The following ZBTB20 variants were observed in gnomAD, a reference collection of about 807,000 sequenced individuals.
ZBTB20 encodes the protein zinc finger and BTB domain-containing protein 20.
In ZBTB20, 9 loss-of-function variants were observed where a neutral mutation model predicts 56.9. The observed-to-expected ratio is 0.16, with a 90% CI of 0.10 to 0.28. The LOEUF (loss-of-function observed/expected upper bound fraction) is 0.28. ZBTB20 is among the 10% of genes least tolerant of loss of function. ZBTB20 has a pLI of 1.00. For missense variants in ZBTB20, 655 were observed against 1,003.0 expected, an observed-to-expected ratio of 0.65 and a Z score of 4.69; for synonymous variants, 417 against 420.7, an observed-to-expected ratio of 0.99 and a Z score of 0.11.
chr3:114,734,804 T>C (rs886517554), intron 5 of ZBTB20, among the ~76,000 whole-genome samples: 1 of 152,118 alleles, frequency 6.6e-6, no homozygotes, highest in African/African-American at 2.4e-5. Flanking sequence ...GGAGCCTATC[T>C]CAGCAGCTCA....
chr3:114,805,198 A>C (rs2108855102), intron 4 of ZBTB20, among the ~76,000 whole-genome samples: 1 of 152,070 alleles, frequency 6.6e-6, no homozygotes, highest in East Asian at 1.9e-4. Flanking sequence ...TAATATTGAC[A>C]CAATACTATT....
intron 3 of ZBTB20, among the ~76,000 whole-genome samples, chr3:114,946,896 AC>A: frequency 6.9e-6 from 1 of 145,806 alleles, no homozygotes; most frequent in East Asian, 1.9e-4. Context: ...GAAAATATGT[AC>A]AAACTATCAA....
chr3:115,035,541 T>C (rs1426120996), intron 2 of ZBTB20, among the ~76,000 whole-genome samples: 1 of 137,722 alleles, frequency 7.3e-6, no homozygotes, highest in South Asian at 2.3e-4. Flanking sequence ...ATTGCTACTA[T>C]CAAACACACA....
At position 114,895,883 on chromosome 3, in the gene ZBTB20, G is replaced by A. The variant is rs149096571; in HGVS notation, c.-417+4421C>T. Among the ~76,000 whole-genome samples, 169 of 152,218 alleles carry A rather than the reference G, an allele frequency of 1.1e-3. 1 individual carries two copies. The highest frequency in any genetic ancestry group is 3.9e-3 in the African/African-American group (161 of 41,530). On this transcript the variant is annotated intron_variant, in intron 4 of 11. Transcript: ENST00000675478. ...AGGCTTAGTAAGCTCTGCCAACCTC[G>A]ATGAGGTCGCACAGCTACTGAATAA... is the stretch of plus-strand genomic sequence containing the variant.
At chr3:114,777,382 T>C (rs1168389128) in intron 5 of ZBTB20, among the ~76,000 whole-genome samples, 1 of 152,124 alleles carries the variant, frequency 6.6e-6, no homozygotes, top group Admixed American at 6.5e-5. Context: ...TGCATGCCTG[T>C]AATCCCAGCT....
chr3:115,142,821 C>T (rs937732152), intron 1 of ZBTB20, among the ~76,000 whole-genome samples: 3 of 152,082 alleles, frequency 2.0e-5, no homozygotes, highest in Non-Finnish European at 4.4e-5. Flanking sequence ...AATATGTACC[C>T]TTCCTGGAAG....
At chr3:114,573,434 G>A (rs560567724) in intron 6 of ZBTB20, among the ~76,000 whole-genome samples, 1 of 148,426 alleles carries the variant, frequency 6.7e-6, no homozygotes, top group African/African-American at 2.5e-5. Flanking sequence ...ATTCCAGCTT[G>A]GGCTACAGAG....
intron 4 of ZBTB20, among the ~76,000 whole-genome samples, chr3:114,867,772 T>C (rs1019687827): frequency 5.3e-5 from 8 of 152,192 alleles, no homozygotes; most frequent in African/African-American, 1.9e-4. Context: ...TTTCCAGCTA[T>C]AAACCATAGG....
intron 3 of ZBTB20, among the ~76,000 whole-genome samples, chr3:114,973,138 T>C (rs2077956445): frequency 6.6e-6 from 1 of 152,176 alleles, no homozygotes; most frequent in South Asian, 2.1e-4. Context: ...TTAACTACCT[T>C]CAGAAAGAGG....
intron 3 of ZBTB20, among the ~76,000 whole-genome samples, chr3:114,907,428 G>A (rs2075362162): frequency 6.6e-6 from 1 of 151,816 alleles, no homozygotes. Context: ...GTATATGTGT[G>A]TATGTGTATT....
intron 6 of ZBTB20, among the ~76,000 whole-genome samples, chr3:114,510,244 A>G (rs999748387): frequency 6.6e-6 from 1 of 152,196 alleles, no homozygotes; most frequent in Non-Finnish European, 1.5e-5. Flanking sequence ...CATTTTCAGT[A>G]TATGACAGTG....
At chr3:114,628,463 T>A (rs1268053827) in intron 6 of ZBTB20, among the ~76,000 whole-genome samples, 1 of 152,122 alleles carries the variant, frequency 6.6e-6, no homozygotes, top group East Asian at 1.9e-4. Flanking sequence ...TTAACTTAGA[T>A]AAAGCTAAAA....
At chr3:114,890,930 G>C (rs984833727) in intron 4 of ZBTB20, among the ~76,000 whole-genome samples, 3 of 151,886 alleles carry the variant, frequency 2.0e-5, no homozygotes, top group African/African-American at 7.3e-5. Flanking sequence ...GCATTACTTA[G>C]CTTGGCGATG....
At chr3:114,579,574 C>T (rs1227717850) in intron 6 of ZBTB20, among the ~76,000 whole-genome samples, 1 of 150,574 alleles carries the variant, frequency 6.6e-6, no homozygotes, top group Non-Finnish European at 1.5e-5. Context: ...AACGCTAATG[C>T]TGATAAAAGC....
intron 5 of ZBTB20, among the ~76,000 whole-genome samples, chr3:114,767,133 A>G (rs929185253): frequency 6.6e-6 from 1 of 152,124 alleles, no homozygotes; most frequent in African/African-American, 2.4e-5. Flanking sequence ...TCTATCTTAA[A>G]TAATTCATAA....
chr3:115,142,524 C>T (rs184655886), intron 1 of ZBTB20, among the ~76,000 whole-genome samples: 4 of 151,990 alleles, frequency 2.6e-5, no homozygotes, highest in East Asian at 1.9e-4. Context: ...ATTAGTAGGA[C>T]GTGGCTGTGC....
chr3:114,858,892 T>C (rs1379559167), intron 4 of ZBTB20, among the ~76,000 whole-genome samples: 1 of 152,032 alleles, frequency 6.6e-6, no homozygotes, highest in Non-Finnish European at 1.5e-5. Flanking sequence ...ACTACTTATC[T>C]AAAAAAAGTA....
chr3:114,533,144 A>G (rs2048060561), intron 6 of ZBTB20, among the ~76,000 whole-genome samples: 1 of 152,128 alleles, frequency 6.6e-6, no homozygotes, highest in African/African-American at 2.4e-5. Context: ...AATGAGTTTG[A>G]GGAATTGACA....
intron 3 of ZBTB20, among the ~76,000 whole-genome samples, chr3:114,942,912 AGATCCTG>A (rs2076766913): frequency 6.9e-6 from 1 of 145,566 alleles, no homozygotes; most frequent in African/African-American, 2.8e-5. Context: ...TGAAGAATCA[AGATCCTG>A]GATAAACTGT....
Sources: gnomAD v4.1 joint callset for allele counts (sites outside exome capture counted in the v4.1 genomes callset) on GRCh38, gnomAD v4.1.1 for gene constraint, MANE v1.5 for transcripts, NCBI Gene and HGNC (gene_info 2026-07-23, HGNC 2026-07-21) for gene names.